The following SARS1 variants were observed in gnomAD, a reference collection of about 807,000 sequenced individuals.
SARS1 encodes the protein seryl-tRNA synthetase 1, also known as serine--tRNA ligase, cytoplasmic.
In SARS1, 25 loss-of-function variants were observed where a neutral mutation model predicts 63.7. The observed-to-expected ratio is 0.39, with a 90% confidence interval of 0.29 to 0.55. SARS1 has a LOEUF of 0.55. Ranked by LOEUF, SARS1 falls within the 20% of genes least tolerant of loss-of-function variation. The probability of loss-of-function intolerance (pLI) is 0.62; values close to 1 mark genes in which losing one functional copy is unlikely to be tolerated. For synonymous variants in SARS1, 231 were observed against 243.5 expected, an observed-to-expected ratio of 0.95 and a Z score of 0.48; for missense variants, 417 against 649.7, an observed-to-expected ratio of 0.64 and a Z score of 3.89.
chr1:109,236,343 C>T (rs1240311853), intron 8 of SARS1, 48 bp from the exon 9 acceptor site: 1 of 1,551,524 alleles, frequency 6.4e-7, no homozygotes, highest in African/African-American at 1.4e-5. Context: ...GGTTAGCCTT[C>T]TGAAATACCA....
chr1:109,232,821 G>A (rs1039981437), intron 6 of SARS1, among the ~76,000 whole-genome samples: 4 of 152,020 alleles, frequency 2.6e-5, no homozygotes, highest in Non-Finnish European at 5.9e-5. Context: ...AGAAATATCC[G>A]CTGCAGGTAA....
At position 109,231,006 on chromosome 1, in the gene SARS1, A is replaced by G; in HGVS notation, c.576A>G (p.Arg192=). The G allele has an allele frequency of 6.6e-7, 1 of 1,516,020 alleles. No individual in the cohort carries two copies. The highest frequency in any genetic ancestry group is 8.8e-7 in the Non-Finnish European group (1 of 1,133,520). The allele number at this position is 1,516,020 out of a possible 1,614,324, so 93.9% of individuals were successfully genotyped here. A position where few individuals can be genotyped will look rare whatever the true frequency, so the allele number is the denominator to read the frequency against. ...AGGGGGCCGTGGTGGCTGGGAGTCG[A>G]GGGTACTTCTTGAAGGTAAGAGCTG... ...GEKGAVVAGS[R]GYFLKGVLVF... is the part of the protein sequence containing the mutation. The change falls in exon 5 of 11, where the codon CGA becomes CGG. Residue 192 remains arginine (R), a synonymous_variant. Transcript: ENST00000234677.
rs553222967 is a variant in SARS1 at position 109,214,604 on chromosome 1, C to A, written c.136+476C>A. On this transcript the variant is annotated intron_variant, in intron 1 of 10. Coordinates refer to ENST00000234677, the MANE Select transcript of SARS1 (RefSeq NM_006513.4). The surrounding 1 kb of genome is among the most constrained non-coding windows in gnomAD (Gnocchi z 4.6). ...CTGCAACACAGTAGATTCATTCCTT[C>A]GGTATCGGAAGCATTTCGGGGCGTT... 2 of 985,852 alleles carry A rather than the reference C, an allele frequency of 2.0e-6. No homozygotes were observed. The highest frequency in any genetic ancestry group is 1.7e-5 in the African/African-American group (1 of 57,254). The allele number at this position is 985,852 out of a possible 1,614,324, so 61.1% of individuals were successfully genotyped here. A position where few individuals can be genotyped will look rare whatever the true frequency, so the allele number is the denominator to read the frequency against.
chr1:109,226,677 A>AAAATATATATATATAT (rs1178056468), intron 2 of SARS1, among the ~76,000 whole-genome samples: 1 of 44,956 alleles, frequency 2.2e-5, no homozygotes, highest in African/African-American at 8.3e-5. Flanking sequence ...AAAAAAAAAA[A>AAAATATATATATATAT]ATATATATAT....
At chr1:109,234,296 T>C (rs2101205870) in intron 6 of SARS1, among the ~76,000 whole-genome samples, 1 of 152,246 alleles carries the variant, frequency 6.6e-6, no homozygotes, top group East Asian at 1.9e-4. Context: ...AGTGCTGGGA[T>C]TACAGGCATG....
chr1:109,216,473 A>G (rs1318142607), intron 1 of SARS1: 5 of 985,214 alleles, frequency 5.1e-6, no homozygotes, highest in Admixed American at 6.2e-5. Context: ...TAATGATCCT[A>G]CACTTGGGCA....
chr1:109,222,412 A>G (rs765657030), intron 1 of SARS1, among the ~76,000 whole-genome samples: 16 of 152,126 alleles, frequency 1.1e-4, no homozygotes, highest in Admixed American at 2.0e-4. Flanking sequence ...CAATCTTACC[A>G]TGTGTAAATT....
At chr1:109,216,595 T>C in intron 1 of SARS1, 1 of 985,098 alleles carries the variant, frequency 1.0e-6, no homozygotes, top group South Asian at 4.7e-5. Context: ...GAGTGGTTTT[T>C]TTTTTCTTTT....
chr1:109,231,717 CT>C lies in SARS1; in HGVS notation c.683del (p.Phe228SerfsTer2). 4 of 1,599,006 alleles carry C rather than the reference CT, an allele frequency of 2.5e-6. No homozygotes were observed. The highest frequency in any genetic ancestry group is 3.5e-5 in the Admixed American group (2 of 57,658). On this transcript the variant is annotated frameshift_variant, in exon 6 of 11. Transcript: ENST00000234677. LOFTEE classifies it high-confidence loss of function. ...GGGGCTACATTCCCATTTATACCCC[CT>C]TTTTCATGAGGAAGGAGGTCATGCA... ...SRGYIPIYTP[F>X]FMRKEVMQEV...
At chr1:109,220,934 A>AT (rs1202875427) in intron 1 of SARS1, among the ~76,000 whole-genome samples, 3 of 151,914 alleles carry the variant, frequency 2.0e-5, no homozygotes, top group Admixed American at 6.6e-5. Flanking sequence ...ATAGATCAAA[A>AT]TTTTTTTTAA....
intron 2 of SARS1, among the ~76,000 whole-genome samples, chr1:109,226,957 A>G (rs1570758661): frequency 2.0e-5 from 3 of 147,766 alleles, no homozygotes; most frequent in Middle Eastern, 7.2e-3. Context: ...AGTCTCATGT[A>G]TCTTATTATA....
At chr1:109,215,812 T>G (rs1053597342) in intron 1 of SARS1, 6 of 373,680 alleles carry the variant, frequency 1.6e-5, no homozygotes, top group Non-Finnish European at 2.2e-5. Context: ...TTCAAGAGAT[T>G]ATCATGCCTC....
At chr1:109,228,117 T>A (rs1291895115) in intron 2 of SARS1, among the ~76,000 whole-genome samples, 1 of 152,166 alleles carries the variant, frequency 6.6e-6, no homozygotes, top group Non-Finnish European at 1.5e-5. Flanking sequence ...CCAGACAGAT[T>A]AATTGATTTT....
intron 6 of SARS1, among the ~76,000 whole-genome samples, chr1:109,233,958 G>A (rs991673405): frequency 1.3e-4 from 17 of 134,152 alleles, no homozygotes; most frequent in Non-Finnish European, 2.5e-4. Context: ...CAACCTCTAC[G>A]CACCGAGTTC....
chr1:109,228,254 A>G, intron 2 of SARS1, 98 bp from the exon 3 acceptor site: 3,226 of 645,196 alleles, frequency 5.0e-3, no homozygotes, highest in Non-Finnish European at 7.7e-3. Flanking sequence ...AAGTTCTGTG[A>G]TTCATTTATA....
intron 2 of SARS1, among the ~76,000 whole-genome samples, chr1:109,226,936 A>C (rs1316995031): frequency 6.7e-6 from 1 of 150,180 alleles, no homozygotes; most frequent in Non-Finnish European, 1.5e-5. Flanking sequence ...TTCTTATGCA[A>C]GTTTTGTTGA....
chr1:109,214,858 G>A lies in SARS1; in HGVS notation c.136+730G>A, dbSNP rs1167168864. 1.0e-6 allele frequency: 1 copy of A among 985,342 alleles called. No homozygotes were observed. Among genetic ancestry groups the A allele is most frequent in the African/African-American group, 1.7e-5 (1 of 57,228 alleles). The allele number at this position is 985,342 out of a possible 1,614,324, so 61.0% of individuals were successfully genotyped here. ...AGTTGGGCTAGAACCTGGAACTGCC[G>A]GATCTTGGAGTCATATCGGGCATCT... is the stretch of plus-strand genomic sequence containing the variant. On this transcript the variant is annotated intron_variant, in intron 1 of 10. Coordinates refer to ENST00000234677, the MANE Select transcript of SARS1 (RefSeq NM_006513.4). The surrounding 1 kb of genome is among the most constrained non-coding windows in gnomAD (Gnocchi z 4.6).
At chr1:109,219,032 C>T (rs1374806267) in intron 1 of SARS1, among the ~76,000 whole-genome samples, 4 of 151,184 alleles carry the variant, frequency 2.6e-5, no homozygotes, top group Admixed American at 6.6e-5. Flanking sequence ...TTTGGGAGGC[C>T]GAGGCGGGCG....
chr1:109,225,594 T>C lies in SARS1; in HGVS notation c.207+1546T>C, dbSNP rs537652704. Reference sequence around the variant, plus strand: ...CAGGGAGTGTTCACTCCCACTGCCATTGAAATGGTAATGATAGTGCTTTAA... The same window carrying C: ...CAGGGAGTGTTCACTCCCACTGCCACTGAAATGGTAATGATAGTGCTTTAA... On this transcript the variant is annotated intron_variant, in intron 2 of 10. Coordinates refer to ENST00000234677, the MANE Select transcript of SARS1 (RefSeq NM_006513.4). 3.3e-5 allele frequency among the ~76,000 whole-genome samples: 5 copies of C among 152,314 alleles called. No individual in the cohort carries two copies. In the South Asian group the frequency reaches 1.0e-3, roughly 32 times the overall value.
Sources: gnomAD v4.1 joint callset for allele counts (sites outside exome capture counted in the v4.1 genomes callset) on GRCh38, gnomAD v4.1.1 for gene constraint, Gnocchi (gnomAD v3.1) non-coding constraint, MANE v1.5 for transcripts, NCBI Gene and HGNC (gene_info 2026-07-23, HGNC 2026-07-21) for gene names.